MYO18B: variants seen among roughly 807,000 people sequenced by gnomAD.
The protein encoded by MYO18B is unconventional myosin-XVIIIb.
In MYO18B, 204 loss-of-function variants were observed where a neutral mutation model predicts 273.0. The observed-to-expected ratio is 0.75, with a 90% CI of 0.67 to 0.84. The LOEUF is 0.84. Among genes scored for constraint, MYO18B ranks in the 40% least tolerant of loss-of-function variants. MYO18B has a pLI of 0.00. For missense variants in MYO18B, 3,212 were observed against 3,287.6 expected, an observed-to-expected ratio of 0.98 and a Z score of 0.56; for synonymous variants, 1,330 against 1,305.7, an observed-to-expected ratio of 1.02 and a Z score of -0.40.
chr22:25,931,689 T>C (rs1282434028), intron 34 of MYO18B, among the ~76,000 whole-genome samples: 1 of 145,180 alleles, frequency 6.9e-6, no homozygotes, highest in Non-Finnish European at 1.5e-5. Context: ...TTCTTTTTTT[T>C]TTTTTTTTTT....
At chr22:25,758,760 AT>A (rs780789313) in intron 1 of MYO18B, among the ~76,000 whole-genome samples, 286 of 143,394 alleles carry the variant, frequency 2.0e-3, no homozygotes, top group Admixed American at 2.0e-3. Context: ...GGTGATGAGA[AT>A]TTTTTTTTTT....
chr22:25,744,635 G>A (rs897479614), intron 1 of MYO18B, among the ~76,000 whole-genome samples: 2 of 152,172 alleles, frequency 1.3e-5, no homozygotes, highest in Non-Finnish European at 2.9e-5. Flanking sequence ...TTGGGAGGCT[G>A]AGGCAGGAGA....
intron 14 of MYO18B, among the ~76,000 whole-genome samples, chr22:25,827,710 T>C (rs2089546338): frequency 2.0e-5 from 3 of 152,072 alleles, no homozygotes. Flanking sequence ...AGACATATTA[T>C]CTAGAAACCA....
chr22:25,917,437 G>A (rs955404005), intron 33 of MYO18B, among the ~76,000 whole-genome samples: 2 of 151,872 alleles, frequency 1.3e-5, no homozygotes, highest in African/African-American at 2.4e-5. Flanking sequence ...TTCTTACTTG[G>A]TGTCTTTCTT....
At chr22:25,917,134 C>T (rs955139770) in intron 33 of MYO18B, among the ~76,000 whole-genome samples, 1 of 152,146 alleles carries the variant, frequency 6.6e-6, no homozygotes, top group Non-Finnish European at 1.5e-5. Context: ...GCAAATGAAT[C>T]AACCTTGTTA....
chr22:25,775,592 C>G (rs2086885025), intron 7 of MYO18B, among the ~76,000 whole-genome samples: 1 of 152,144 alleles, frequency 6.6e-6, no homozygotes, highest in African/African-American at 2.4e-5. Flanking sequence ...AGTCTCTGGT[C>G]TCTTACTGAA....
chr22:25,797,878 T>TC (rs1389687658), intron 11 of MYO18B, 75 bp from the exon 12 acceptor site: 2 of 1,605,896 alleles, frequency 1.2e-6, no homozygotes, highest in Non-Finnish European at 1.7e-6. Flanking sequence ...GAGACGGAGC[T>TC]CAGCTTCAAG....
intron 11 of MYO18B, among the ~76,000 whole-genome samples, chr22:25,793,947 T>C (rs1258655097): frequency 2.0e-5 from 3 of 152,160 alleles, no homozygotes; most frequent in Non-Finnish European, 2.9e-5. Flanking sequence ...CTCTCTTTTT[T>C]TTTTGAGACG....
chr22:25,955,322 G>A lies in MYO18B; in HGVS notation c.6114G>A (p.Leu2038=). Residue 2038 remains leucine, a synonymous_variant, in exon 39 of 44, where the codon CTG becomes CTA. Coordinates refer to ENST00000335473, the MANE Select transcript of MYO18B (RefSeq NM_032608.7). ...LEELKADMEE[L]VQREAEASRR... Reference sequence around the variant, plus strand: ...AGCTGAAGGCCGACATGGAAGAGCTGGTGCAGCGGGAGGCAGAGGCCAGCC... The same window carrying A: ...AGCTGAAGGCCGACATGGAAGAGCTAGTGCAGCGGGAGGCAGAGGCCAGCC... 1 of 1,613,760 alleles carries A rather than the reference G, an allele frequency of 6.2e-7. No individual in the cohort carries two copies. The highest frequency in any genetic ancestry group is 2.2e-5 in the East Asian group (1 of 44,880).
At chr22:25,988,945 T>C (rs906749600) in intron 39 of MYO18B, among the ~76,000 whole-genome samples, 3 of 152,154 alleles carry the variant, frequency 2.0e-5, no homozygotes, top group Non-Finnish European at 4.4e-5. Context: ...TACTTTCACT[T>C]TTATGATATT....
At chr22:25,816,762 G>A (rs373091365) in intron 12 of MYO18B, among the ~76,000 whole-genome samples, 8 of 152,188 alleles carry the variant, frequency 5.3e-5, no homozygotes, top group African/African-American at 1.9e-4. Flanking sequence ...TGTAAGCAGT[G>A]GAGGTGGGAT....
At chr22:25,949,535 G>A (rs2092767229) in intron 36 of MYO18B, among the ~76,000 whole-genome samples, 1 of 152,182 alleles carries the variant, frequency 6.6e-6, no homozygotes, top group Admixed American at 6.5e-5. Context: ...GAGAGCCGGG[G>A]TAAAATACCT....
chr22:25,930,595 C>T (rs1206250328), intron 34 of MYO18B, among the ~76,000 whole-genome samples: 2 of 151,584 alleles, frequency 1.3e-5, no homozygotes, highest in Non-Finnish European at 2.9e-5. Flanking sequence ...ACTACAGCCT[C>T]AACCTCAAGC....
At chr22:25,784,166 T>G (rs1432811823) in intron 10 of MYO18B, among the ~76,000 whole-genome samples, 1 of 152,218 alleles carries the variant, frequency 6.6e-6, no homozygotes. Flanking sequence ...CAGCGCAGTC[T>G]CCCTTCCTCA....
chr22:25,881,181 T>C (rs739281), intron 25 of MYO18B, among the ~76,000 whole-genome samples: 66,246 of 152,134 alleles, frequency 0.44, 14,942 homozygotes, highest in Admixed American at 0.57. Context: ...CCATCTCTTT[T>C]CTGCTTCTTC....
chr22:25,847,427 T>A lies in MYO18B; in HGVS notation c.3553-3T>A. The A allele has an allele frequency of 6.4e-7, 1 of 1,562,042 alleles. No individual in the cohort carries two copies. Among genetic ancestry groups the A allele is most frequent in the Non-Finnish European group, 8.7e-7 (1 of 1,152,638 alleles). On this transcript the variant is annotated splice_region_variant and splice_polypyrimidine_tract_variant and intron_variant, in intron 19 of 43. Coordinates refer to ENST00000335473, the MANE Select transcript of MYO18B (RefSeq NM_032608.7). ...GGCCCTGACCTCCCTCTATTTGGTC[T>A]AGGATGCGCTGACCAGCATGATCAA...
intron 33 of MYO18B, among the ~76,000 whole-genome samples, chr22:25,916,247 T>C (rs1052522625): frequency 5.3e-5 from 8 of 152,176 alleles, no homozygotes; most frequent in Admixed American, 3.9e-4. Context: ...TGATTAGTCT[T>C]GTTAGAGTTT....
At chr22:26,024,350 C>T (rs796987424) in intron 42 of MYO18B, among the ~76,000 whole-genome samples, 52 of 152,192 alleles carry the variant, frequency 3.4e-4, no homozygotes, top group African/African-American at 1.2e-3. Flanking sequence ...GACTAGGGGT[C>T]GGGGAGTAGA....
intron 23 of MYO18B, 134 bp downstream of exon 23, chr22:25,874,548 C>T: frequency 1.8e-6 from 2 of 1,105,448 alleles, no homozygotes; most frequent in Non-Finnish European, 2.6e-6. Flanking sequence ...TTAAGTGAGG[C>T]TTTGCAAGAT....
Sources: allele counts gnomAD v4.1 joint callset (sites outside exome capture counted in the v4.1 genomes callset), GRCh38; gene constraint gnomAD v4.1.1; transcripts MANE v1.5; gene names NCBI Gene and HGNC (gene_info 2026-07-23, HGNC 2026-07-21).